The following CLEC20A variants were observed in gnomAD, a reference collection of about 807,000 sequenced individuals.
CLEC20A encodes the protein putative C-type lectin domain family 20 member A.
At position 178,496,899 on chromosome 1, in the gene CLEC20A, C is replaced by A. The variant is rs1649407618; in HGVS notation, c.40+1G>T. On this transcript the variant is annotated splice_donor_variant, in intron 1 of 7. Coordinates refer to ENST00000623247, the Ensembl canonical transcript of CLEC20A. LOFTEE classifies it high-confidence loss of function. Reference sequence around the variant, plus strand: ...CCCTCCTCCAGGTTGGGGGGCCTCACCTGCTGCGCAGAAGGAGAGCAGCAG... The same window carrying A: ...CCCTCCTCCAGGTTGGGGGGCCTCAACTGCTGCGCAGAAGGAGAGCAGCAG... 1 of 398,826 alleles carries A rather than the reference C, an allele frequency of 2.5e-6. No homozygotes were observed. The allele number at this position is 398,826 out of a possible 1,614,324, so 24.7% of individuals were successfully genotyped here. A position where few individuals can be genotyped will look rare whatever the true frequency, so the allele number is the denominator to read the frequency against.
chr1:178,486,338 G>A, intron 5 of CLEC20A: 1 of 397,980 alleles, frequency 2.5e-6, no homozygotes, highest in Non-Finnish European at 4.4e-6. Context: ...CCCTACTCAT[G>A]GAAGCCAGGC....
exon 4 of CLEC20A, chr1:178,490,299 G>A (rs1278266935): frequency 7.5e-6 from 3 of 398,586 alleles, no homozygotes; most frequent in Admixed American, 4.4e-5. Context: ...GGATCTCAAG[G>A]CCTCCTTGCC....
At chr1:178,498,559 C>T (rs908962555), upstream of CLEC20A, among the ~76,000 whole-genome samples, 1 of 152,070 alleles carries the variant, frequency 6.6e-6, no homozygotes, top group Non-Finnish European at 1.5e-5. Context: ...CACTGTACTC[C>T]AGCCTGGGAG....
At chr1:178,494,365 G>A (rs1423899152) in intron 2 of CLEC20A, 89 bp downstream of exon 2, 2 of 398,484 alleles carry the variant, frequency 5.0e-6, no homozygotes, top group Non-Finnish European at 8.8e-6. Context: ...GTTACAGTGA[G>A]CTATGATCAC....
chr1:178,492,835 G>T (rs192892902), intron 2 of CLEC20A, among the ~76,000 whole-genome samples: 1 of 152,236 alleles, frequency 6.6e-6, no homozygotes, highest in Non-Finnish European at 1.5e-5. Flanking sequence ...GTAGAGAGCT[G>T]GGAGGAGCTG....
rs554773770 is a variant in CLEC20A, at chr1:178,488,421, C to T, written c.928+80G>A. The T allele has an allele frequency of 1.0e-5, 4 of 398,432 alleles. No homozygotes were observed. In the South Asian group the frequency reaches 5.1e-4, roughly 51 times the overall value. 24.7% of individuals were successfully genotyped at this position (398,432 alleles called of 1,614,324 possible). On this transcript the variant is annotated intron_variant, in intron 5 of 7. Coordinates refer to ENST00000623247, the Ensembl canonical transcript of CLEC20A. Reference sequence around the variant, plus strand: ...CATACACTGGCCCTTCTAAGAGGGGCTTATGGGGCCTGCAAGCCAGCCTTG... The same window carrying T: ...CATACACTGGCCCTTCTAAGAGGGGTTTATGGGGCCTGCAAGCCAGCCTTG...
intron 7 of CLEC20A, chr1:178,480,324 A>G (rs1231871730): frequency 6.6e-6 from 1 of 152,224 alleles, no homozygotes; most frequent in Non-Finnish European, 1.5e-5. Flanking sequence ...ATACATTCTG[A>G]CAAAGCTGAC....
At chr1:178,490,844 C>T (rs577836197) in intron 3 of CLEC20A, among the ~76,000 whole-genome samples, 88 of 152,308 alleles carry the variant, frequency 5.8e-4, no homozygotes, top group East Asian at 1.9e-3. Context: ...GTGACCATTT[C>T]GGGGGAGATT....
chr1:178,479,530 T>C, exon 8 of CLEC20A: 1 of 398,474 alleles, frequency 2.5e-6, no homozygotes, highest in Non-Finnish European at 4.4e-6. Context: ...TATCCAAGAA[T>C]TGTGCTATTT....
In CLEC20A at chr1:178,479,903, T is replaced by TA. The variant is rs74263840; in HGVS notation, c.1123-289dup. On this transcript the variant is annotated intron_variant, in intron 7 of 7. Coordinates refer to ENST00000623247, the Ensembl canonical transcript of CLEC20A. ...TCATCAGAATCACTGGAGAGTTGTT[T>TA]AAAAAAAAAAAAAAAGAAAAAAAAC... is the stretch of plus-strand genomic sequence containing the variant. The TA allele has an allele frequency of 8.8e-3, 1,153 of 130,774 alleles. 3 individuals are homozygous for TA. The highest frequency in any genetic ancestry group is 0.039 in the Middle Eastern group (10 of 256). The allele number at this position is 130,774 out of a possible 1,614,324, so 8.1% of individuals were successfully genotyped here. A position where few individuals can be genotyped will look rare whatever the true frequency, so the allele number is the denominator to read the frequency against.
upstream of CLEC20A, among the ~76,000 whole-genome samples, chr1:178,498,260 G>A (rs1460650154): frequency 6.6e-6 from 1 of 152,164 alleles, no homozygotes; most frequent in Non-Finnish European, 1.5e-5. Flanking sequence ...CACGGTCAGA[G>A]ACCCCCAGGC....
intron 7 of CLEC20A, 174 bp downstream of exon 7, chr1:178,482,138 T>A (rs1572154814): frequency 2.6e-6 from 1 of 389,700 alleles, no homozygotes; most frequent in African/African-American, 2.1e-5. Flanking sequence ...TAAGAAAAGA[T>A]CCAAAAAGAT....
intron 2 of CLEC20A, among the ~76,000 whole-genome samples, chr1:178,494,131 T>A (rs1321601951): frequency 1.3e-5 from 2 of 152,240 alleles, no homozygotes; most frequent in African/African-American, 4.8e-5. Flanking sequence ...CAATGGCTCA[T>A]GCCTATAATC....
At chr1:178,499,138 C>G (rs886323160), upstream of CLEC20A, among the ~76,000 whole-genome samples, 4 of 152,220 alleles carry the variant, frequency 2.6e-5, no homozygotes, top group Non-Finnish European at 4.4e-5. Flanking sequence ...CCCAGCACTC[C>G]CTGAGGGCAG....
chr1:178,493,102 C>T (rs981410902), intron 2 of CLEC20A, among the ~76,000 whole-genome samples: 2 of 152,182 alleles, frequency 1.3e-5, no homozygotes, highest in African/African-American at 4.8e-5. Flanking sequence ...AGAGACAGCG[C>T]TGACTTGACC....
chr1:178,480,362 T>C (rs1248323865), intron 7 of CLEC20A: 2 of 152,230 alleles, frequency 1.3e-5, no homozygotes, highest in African/African-American at 4.8e-5. Flanking sequence ...TATTTCGACC[T>C]CAGTTTCCCC....
chr1:178,486,928 G>T, intron 5 of CLEC20A: 1 of 397,572 alleles, frequency 2.5e-6, no homozygotes. Context: ...CGCTGGGCCC[G>T]CGGAGGCGGA....
chr1:178,490,940 G>A (rs1224718950), intron 3 of CLEC20A, among the ~76,000 whole-genome samples: 9 of 152,192 alleles, frequency 5.9e-5, no homozygotes, highest in African/African-American at 9.6e-5. Context: ...GCTCTCGGGC[G>A]AATCCAGGGC....
chr1:178,488,646 G>A (rs1572157548), intron 4 of CLEC20A, 47 bp from the exon 5 acceptor site: 2 of 398,612 alleles, frequency 5.0e-6, no homozygotes, highest in Non-Finnish European at 8.8e-6. Context: ...GCAACACCCA[G>A]CAGGTGAGTG....
Sources: allele counts gnomAD v4.1 joint callset (sites outside exome capture counted in the v4.1 genomes callset), GRCh38; gene constraint gnomAD v4.1.1; transcripts MANE v1.5; gene names NCBI Gene and HGNC (gene_info 2026-07-23, HGNC 2026-07-21).